RBFOX2: variants seen among roughly 807,000 people sequenced by gnomAD.
The protein encoded by RBFOX2 is RNA binding fox-1 homolog 2.
RBFOX2 carries 10 observed loss-of-function variants against 49.1 expected under a neutral mutation model. The observed-to-expected ratio is 0.20, with a 90% CI of 0.13 to 0.35. RBFOX2 has a LOEUF of 0.35. RBFOX2 is among the 10% of genes least tolerant of loss of function. The pLI, the probability that RBFOX2 is intolerant of heterozygous loss-of-function variation, is 1.00. For synonymous variants in RBFOX2, 183 were observed against 187.4 expected (o/e 0.98, Z 0.19); for missense variants, 323 against 486.9 (o/e 0.66, Z 3.17).
chr22:35,892,419 G>A (rs1235846408), intron 1 of RBFOX2, among the ~76,000 whole-genome samples: 1 of 152,166 alleles, frequency 6.6e-6, no homozygotes, highest in Non-Finnish European at 1.5e-5. Flanking sequence ...CATAGAGAGC[G>A]CACAAGATAG....
At chr22:35,956,889 G>C (rs2055624882) in intron 1 of RBFOX2, among the ~76,000 whole-genome samples, 1 of 152,172 alleles carries the variant, frequency 6.6e-6, no homozygotes, top group Non-Finnish European at 1.5e-5. Flanking sequence ...ATTAGTAATA[G>C]TAATAATTTT....
At chr22:35,987,944 GGAA>G (rs1258789462) in intron 1 of RBFOX2, among the ~76,000 whole-genome samples, 8 of 152,174 alleles carry the variant, frequency 5.3e-5, no homozygotes, top group African/African-American at 1.9e-4. Context: ...CAAACTTCCC[GGAA>G]GAAGAATAAA....
chr22:35,970,702 C>T (rs780958027), intron 1 of RBFOX2, among the ~76,000 whole-genome samples: 10 of 151,976 alleles, frequency 6.6e-5, no homozygotes, highest in Non-Finnish European at 1.2e-4. Context: ...ATGGTGCTTA[C>T]GAGAGGACAA....
chr22:36,011,023 G>A (rs961795258), intron 1 of RBFOX2, among the ~76,000 whole-genome samples: 2 of 152,166 alleles, frequency 1.3e-5, no homozygotes, highest in African/African-American at 4.8e-5. Flanking sequence ...CCTGACAGCA[G>A]TGACACTCAA....
At position 35,833,884 on chromosome 22, in the gene RBFOX2, CATT is replaced by C. The variant is rs561972743; in HGVS notation, c.27+6305_27+6307del. ...TGCTTAATGCACAGTATGTGCTCTG[CATT>C]ATTATTTAGTATTATTAGATAATAT... On this transcript the variant is annotated intron_variant, in intron 1 of 11. Coordinates refer to ENST00000405409, the Ensembl canonical transcript of RBFOX2. 4.8e-3 allele frequency among the ~76,000 whole-genome samples: 727 copies of C among 151,996 alleles called. 9 individuals are homozygous for C. Among genetic ancestry groups the C allele is most frequent in the Admixed American group, 0.016 (240 of 15,256 alleles).
chr22:35,997,427 G>A (rs910817176), intron 1 of RBFOX2: 1 of 152,246 alleles, frequency 6.6e-6, no homozygotes, highest in Non-Finnish European at 1.5e-5. Context: ...AAGGTACAAA[G>A]GTTCAAAATC....
intron 2 of RBFOX2, among the ~76,000 whole-genome samples, chr22:35,796,930 A>T (rs570150027): frequency 1.2e-3 from 186 of 152,296 alleles, no homozygotes; most frequent in African/African-American, 4.3e-3. Flanking sequence ...ATGGAAAAAA[A>T]TAGTGTCAGT....
intron 1 of RBFOX2, among the ~76,000 whole-genome samples, chr22:35,970,543 C>A (rs571925807): frequency 6.6e-6 from 1 of 151,720 alleles, no homozygotes; most frequent in Non-Finnish European, 1.5e-5. Flanking sequence ...TACCTGTAGT[C>A]CCAGCTACTT....
chr22:35,831,145 T>C (rs1338586136), intron 1 of RBFOX2, among the ~76,000 whole-genome samples: 2 of 152,142 alleles, frequency 1.3e-5, no homozygotes, highest in Admixed American at 1.3e-4. Flanking sequence ...TGGTTTTACG[T>C]TTTTAAATAG....
At chr22:35,863,223 G>T (rs893641277) in intron 1 of RBFOX2, among the ~76,000 whole-genome samples, 1 of 151,852 alleles carries the variant, frequency 6.6e-6, no homozygotes, top group African/African-American at 2.4e-5. Flanking sequence ...TTGTTATTTT[G>T]TAACATATTT....
At chr22:35,896,665 G>A (rs1349047403) in intron 1 of RBFOX2, among the ~76,000 whole-genome samples, 2 of 152,160 alleles carry the variant, frequency 1.3e-5, no homozygotes, top group South Asian at 2.1e-4. Context: ...CATGCTTTCC[G>A]CAGACGAACG....
chr22:35,925,151 C>T (rs574274866), intron 1 of RBFOX2, among the ~76,000 whole-genome samples: 55 of 151,754 alleles, frequency 3.6e-4, no homozygotes, highest in South Asian at 1.2e-3. Flanking sequence ...GAGATCCAGC[C>T]GCTACAATCC....
chr22:35,858,903 G>A (rs571982412), intron 1 of RBFOX2, among the ~76,000 whole-genome samples: 1 of 151,670 alleles, frequency 6.6e-6, no homozygotes, highest in African/African-American at 2.4e-5. Context: ...AAAAGAGAAG[G>A]TCTGCAATAA....
At chr22:35,830,284 T>C (rs1956532990) in intron 1 of RBFOX2, among the ~76,000 whole-genome samples, 1 of 152,216 alleles carries the variant, frequency 6.6e-6, no homozygotes, top group South Asian at 2.1e-4. Context: ...TATAGTACCA[T>C]ATAAGCTAAA....
At chr22:35,874,860 T>C (rs2044816969) in intron 1 of RBFOX2, among the ~76,000 whole-genome samples, 1 of 152,126 alleles carries the variant, frequency 6.6e-6, no homozygotes, top group Admixed American at 6.5e-5. Context: ...ACTCACCTCT[T>C]TGCACCCTGC....
At chr22:35,779,000 A>C (rs536224607) in intron 3 of RBFOX2, among the ~76,000 whole-genome samples, 1 of 152,324 alleles carries the variant, frequency 6.6e-6, no homozygotes, top group Admixed American at 6.5e-5. Context: ...CATGCTATTC[A>C]CCACTTTAAT....
intron 9 of RBFOX2, among the ~76,000 whole-genome samples, chr22:35,753,157 A>T (rs1935585290): frequency 6.6e-6 from 1 of 152,222 alleles, no homozygotes; most frequent in African/African-American, 2.4e-5. Flanking sequence ...TGCACTTTTC[A>T]TACTAAACTC....
At chr22:35,840,527 C>T (rs1958559753) in exon 1 of RBFOX2, 2 of 1,226,548 alleles carry the variant, frequency 1.6e-6, no homozygotes, top group African/African-American at 3.0e-5. Context: ...CTTCCTCCTC[C>T]CCCCACCCCC....
At chr22:35,928,508 T>C (rs1438310629) in intron 1 of RBFOX2, among the ~76,000 whole-genome samples, 2 of 152,198 alleles carry the variant, frequency 1.3e-5, no homozygotes, top group Non-Finnish European at 2.9e-5. Context: ...CAAATCTTCT[T>C]TGAAGGAACC....
Sources: gnomAD v4.1 joint callset for allele counts (sites outside exome capture counted in the v4.1 genomes callset) on GRCh38, gnomAD v4.1.1 for gene constraint, MANE v1.5 for transcripts, NCBI Gene and HGNC (gene_info 2026-07-23, HGNC 2026-07-21) for gene names.